The following TBC1D23 variants were observed in gnomAD, a reference collection of about 807,000 sequenced individuals.
The protein encoded by TBC1D23 is TBC1 domain family member 23, also known as HCV non-structural protein 4A-transactivated protein 1.
In TBC1D23, 55 loss-of-function variants were observed where a neutral mutation model predicts 91.4. That is an observed-to-expected ratio of 0.60 (90% CI 0.48 to 0.75). The LOEUF (loss-of-function observed/expected upper bound fraction) is 0.75. Ranked by LOEUF, TBC1D23 falls within the 30% of genes least tolerant of loss-of-function variation. The pLI, the probability that TBC1D23 is intolerant of heterozygous loss-of-function variation, is 0.00. For synonymous variants in TBC1D23, 289 were observed against 281.0 expected, an observed-to-expected ratio of 1.03 and a Z score of -0.28; for missense variants, 725 against 836.1, an observed-to-expected ratio of 0.87 and a Z score of 1.64.
chr3:100,310,085 C>G (rs139615086), intron 13 of TBC1D23, among the ~76,000 whole-genome samples: 14 of 152,300 alleles, frequency 9.2e-5, no homozygotes, highest in Non-Finnish European at 1.6e-4. Flanking sequence ...AGGCCTCTCT[C>G]CTTGGCTTGC....
At chr3:100,314,299 T>C (rs527754624) in intron 15 of TBC1D23, among the ~76,000 whole-genome samples, 51 of 152,118 alleles carry the variant, frequency 3.4e-4, no homozygotes, top group African/African-American at 1.1e-3. Context: ...GGTTTCACCA[T>C]GTTAGCCAGG....
intron 10 of TBC1D23, chr3:100,301,803 CAACA>C (rs778529710): frequency 7.8e-5 from 26 of 333,552 alleles, no homozygotes; most frequent in Non-Finnish European, 1.2e-4. Context: ...AAAACAAGAA[CAACA>C]AACAGTTTTT....
At chr3:100,311,125 A>G (rs1317354442) in intron 14 of TBC1D23, among the ~76,000 whole-genome samples, 1 of 152,206 alleles carries the variant, frequency 6.6e-6, no homozygotes, top group Admixed American at 6.5e-5. Context: ...TTCTCCACGT[A>G]TAAGTCTGTT....
At chr3:100,265,837 CTGAGA>C (rs1256822691) in intron 1 of TBC1D23, among the ~76,000 whole-genome samples, 1 of 152,022 alleles carries the variant, frequency 6.6e-6, no homozygotes, top group South Asian at 2.1e-4. Flanking sequence ...TGTTGTTAAT[CTGAGA>C]TGTGAGTAGG....
At chr3:100,267,977 C>A (rs1393794172) in intron 1 of TBC1D23, among the ~76,000 whole-genome samples, 1 of 152,070 alleles carries the variant, frequency 6.6e-6, no homozygotes, top group African/African-American at 2.4e-5. Flanking sequence ...TCGAGACCAT[C>A]CTGGGCAACA....
intron 18 of TBC1D23, among the ~76,000 whole-genome samples, chr3:100,323,257 G>A (rs1032528926): frequency 6.6e-6 from 1 of 152,206 alleles, no homozygotes; most frequent in African/African-American, 2.4e-5. Flanking sequence ...AGGTACATCT[G>A]TATTGGGGAG....
rs188703183 is a variant in TBC1D23, at chr3:100,276,036, A to T, written c.54-3613A>T. Among the ~76,000 whole-genome samples the T allele has an allele frequency of 1.1e-3, 166 of 151,092 alleles. 2 individuals are homozygous for T. The East Asian group carries it at 0.022, about 20-fold the overall frequency. ...GAGGTGCTGGTGGGGAGGAATGGCGAGTGACTGCTAATGGGTATGGGGTTT... is the reference window on the plus strand; with the variant it reads ...GAGGTGCTGGTGGGGAGGAATGGCGTGTGACTGCTAATGGGTATGGGGTTT... On this transcript the variant is annotated intron_variant, in intron 1 of 18. Coordinates refer to ENST00000394144, the MANE Select transcript of TBC1D23 (RefSeq NM_001199198.3).
chr3:100,289,227 CAAAA>C (rs900962123), intron 4 of TBC1D23, among the ~76,000 whole-genome samples: 1 of 151,470 alleles, frequency 6.6e-6, no homozygotes, highest in African/African-American at 2.4e-5. Context: ...AAAAACAAAA[CAAAA>C]AAAACCCAAA....
intron 2 of TBC1D23, among the ~76,000 whole-genome samples, chr3:100,281,486 A>G (rs953721861): frequency 3.3e-4 from 50 of 152,196 alleles, no homozygotes; most frequent in Admixed American, 3.1e-3. Context: ...GTAAATTTAC[A>G]TATCTAAATA....
At chr3:100,277,380 G>A (rs1262780929) in intron 1 of TBC1D23, among the ~76,000 whole-genome samples, 1 of 152,170 alleles carries the variant, frequency 6.6e-6, no homozygotes, top group African/African-American at 2.4e-5. Flanking sequence ...TTAAGGTGTA[G>A]CATTTTCTGG....
At chr3:100,262,865 A>G (rs747321450) in intron 1 of TBC1D23, among the ~76,000 whole-genome samples, 7 of 152,128 alleles carry the variant, frequency 4.6e-5, no homozygotes, top group Non-Finnish European at 8.8e-5. Context: ...TTCAAAATCC[A>G]ATGTGCATTT....
rs141579164 is a variant in TBC1D23 at position 100,262,703 on chromosome 3, G to A, written c.53+1632G>A. Among the ~76,000 whole-genome samples the A allele has an allele frequency of 3.0e-3, 370 of 121,536 alleles. 1 individual carries two copies. Among genetic ancestry groups the A allele is most frequent in the Middle Eastern group, 6.3e-3 (1 of 160 alleles). The allele number at this position is 121,536 out of a possible 152,430, so 79.7% of individuals were successfully genotyped here. A position where few individuals can be genotyped will look rare whatever the true frequency, so the allele number is the denominator to read the frequency against. On this transcript the variant is annotated intron_variant, in intron 1 of 18. Coordinates refer to ENST00000394144, the MANE Select transcript of TBC1D23 (RefSeq NM_001199198.3). ...TCGAGCCACTACTGTCCAGCCCGGC[G>A]GCAGTGTGAGGCTCGGTCTCAAAAA...
At chr3:100,320,651 A>G (rs369656646) in intron 17 of TBC1D23, 126 bp from the exon 18 acceptor site, 2 of 517,060 alleles carry the variant, frequency 3.9e-6, no homozygotes. Context: ...ACCTCTGTTT[A>G]TATCTTTTAA....
intron 4 of TBC1D23, among the ~76,000 whole-genome samples, chr3:100,284,677 C>T (rs1441515615): frequency 1.3e-5 from 2 of 151,728 alleles, no homozygotes; most frequent in Non-Finnish European, 2.9e-5. Context: ...TAGTGGGGGT[C>T]GTGGTGGTGG....
At chr3:100,277,723 TATATG>T (rs1406238068) in intron 1 of TBC1D23, among the ~76,000 whole-genome samples, 1 of 152,224 alleles carries the variant, frequency 6.6e-6, no homozygotes, top group African/African-American at 2.4e-5. Context: ...ACCATTTAAA[TATATG>T]GTATTTATTC....
At chr3:100,288,354 C>A (rs1019490374) in intron 4 of TBC1D23, among the ~76,000 whole-genome samples, 2 of 151,934 alleles carry the variant, frequency 1.3e-5, no homozygotes, top group Non-Finnish European at 2.9e-5. Context: ...AGAGATGGGA[C>A]CCCTACAAAA....
intron 4 of TBC1D23, among the ~76,000 whole-genome samples, chr3:100,290,353 T>G (rs192651275): frequency 6.6e-6 from 1 of 152,352 alleles, no homozygotes; most frequent in East Asian, 1.9e-4. Flanking sequence ...GAGTGCTGCC[T>G]GGGTTCACCT....
chr3:100,286,949 G>GGTTT, intron 4 of TBC1D23, among the ~76,000 whole-genome samples: 1 of 152,108 alleles, frequency 6.6e-6, no homozygotes, highest in Non-Finnish European at 1.5e-5. Context: ...CGAGTAGCTG[G>GGTTT]AATCACAGGC....
intron 5 of TBC1D23, 120 bp from the exon 6 acceptor site, chr3:100,294,967 G>T: frequency 2.1e-6 from 2 of 958,334 alleles, no homozygotes; most frequent in East Asian, 2.6e-5. Context: ...ATTAAGGTAC[G>T]CATTAAATAT....
Sources: allele counts gnomAD v4.1 joint callset (sites outside exome capture counted in the v4.1 genomes callset), GRCh38; gene constraint gnomAD v4.1.1; transcripts MANE v1.5; gene names NCBI Gene and HGNC (gene_info 2026-07-23, HGNC 2026-07-21).